The following CEP85 variants were observed in gnomAD, a reference collection of about 807,000 sequenced individuals.
CEP85 encodes the protein centrosomal protein 85, also known as centrosomal protein of 85 kDa.
A neutral mutation model predicts 93.7 loss-of-function variants in CEP85; 58 were observed. That is an observed-to-expected ratio of 0.62 (90% CI 0.50 to 0.77). The LOEUF is 0.77. Among genes scored for constraint, CEP85 ranks in the 30% least tolerant of loss-of-function variants. The pLI, the probability that CEP85 is intolerant of heterozygous loss-of-function variation, is 0.00. For synonymous variants in CEP85, 314 were observed against 338.6 expected, an observed-to-expected ratio of 0.93 and a Z score of 0.80; for missense variants, 868 against 922.0, an observed-to-expected ratio of 0.94 and a Z score of 0.76.
At chr1:26,241,510 C>G (rs1375485152) in intron 2 of CEP85, among the ~76,000 whole-genome samples, 2 of 152,104 alleles carry the variant, frequency 1.3e-5, no homozygotes, top group Non-Finnish European at 1.5e-5. Flanking sequence ...TCGCAAAGTG[C>G]TGGGATTACA....
intron 1 of CEP85, among the ~76,000 whole-genome samples, chr1:26,238,286 C>T (rs570215783): frequency 5.6e-5 from 8 of 143,784 alleles, no homozygotes; most frequent in Non-Finnish European, 7.5e-5. Context: ...CTGCAGCCTC[C>T]GCCTCCATGG....
In CEP85 at chr1:26,258,347, G is replaced by A. The variant is rs539526182; in HGVS notation, c.1155+87G>A. 3.4e-5 allele frequency: 29 copies of A among 851,416 alleles called. 1 individual carries two copies. Among genetic ancestry groups the A allele is most frequent in the South Asian group, 1.4e-4 (10 of 69,080 alleles). 52.7% of individuals were successfully genotyped at this position (851,416 alleles called of 1,614,324 possible). A position where few individuals can be genotyped will look rare whatever the true frequency, so the allele number is the denominator to read the frequency against. ...GACACCATTAGGTATCCAGGAGATA[G>A]AAAAGAGCTCAAGTGATGTAAGTGT... is the stretch of plus-strand genomic sequence containing the variant. On this transcript the variant is annotated intron_variant, in intron 6 of 13. Transcript: ENST00000451429.
chr1:26,235,841 G>T (rs1246607686), intron 1 of CEP85, among the ~76,000 whole-genome samples: 1 of 152,132 alleles, frequency 6.6e-6, no homozygotes, highest in Non-Finnish European at 1.5e-5. Context: ...CAAAATGCTG[G>T]GATTACAGGC....
At chr1:26,262,410 A>G (rs1366370666) in intron 7 of CEP85, among the ~76,000 whole-genome samples, 5 of 151,684 alleles carry the variant, frequency 3.3e-5, no homozygotes, top group Non-Finnish European at 1.5e-5. Context: ...CCCAGGAGGT[A>G]GATGTTGCAG....
chr1:26,271,031 C>T lies in CEP85; in HGVS notation c.1667C>T (p.Ser556Phe). Reference sequence around the variant, plus strand: ...TCTTTCAGCCTGCAAGATAAACAGTCTGTGGAGGAGACCAGTGGAGAAGGT... The same window carrying T: ...TCTTTCAGCCTGCAAGATAAACAGTTTGTGGAGGAGACCAGTGGAGAAGGT... ...SAGHSLQDKQ[S>F]VEETSGEGPE... Residue 556 changes from serine to phenylalanine, a missense_variant, in exon 10 of 14, where the codon TCT (serine) becomes TTT (phenylalanine). Ser to Phe is a radical substitution (Grantham distance 155). Transcript: ENST00000451429. 1.2e-6 allele frequency: 2 copies of T among 1,611,664 alleles called. No homozygotes were observed. Among genetic ancestry groups the T allele is most frequent in the Non-Finnish European group, 1.7e-6 (2 of 1,177,786 alleles).
intron 11 of CEP85, among the ~76,000 whole-genome samples, chr1:26,272,617 ATTTTTTTTTT>A (rs397861910): frequency 3.3e-5 from 3 of 89,688 alleles, no homozygotes; most frequent in South Asian, 4.0e-4. Context: ...CTATTACAGC[ATTTTTTTTTT>A]TTTTTTTTTT....
intron 2 of CEP85, among the ~76,000 whole-genome samples, chr1:26,243,780 A>G (rs1171594948): frequency 1.3e-5 from 2 of 152,042 alleles, no homozygotes; most frequent in East Asian, 3.9e-4. Flanking sequence ...CGGGTGGATT[A>G]TGAGATCAGG....
At chr1:26,262,807 T>C (rs1467854903) in intron 7 of CEP85, among the ~76,000 whole-genome samples, 1 of 152,178 alleles carries the variant, frequency 6.6e-6, no homozygotes, top group Non-Finnish European at 1.5e-5. Flanking sequence ...TAGTGAATCT[T>C]CTCACTTCAA....
At chr1:26,268,373 A>C (rs1314625613) in intron 7 of CEP85, 110 bp from the exon 8 acceptor site, 14 of 1,217,500 alleles carry the variant, frequency 1.1e-5, no homozygotes, top group South Asian at 1.1e-4. Context: ...TAGGAGGATC[A>C]CTTGAGCCTG....
At chr1:26,255,921 A>G in intron 4 of CEP85, 56 bp downstream of exon 4, 1 of 1,433,456 alleles carries the variant, frequency 7.0e-7, no homozygotes, top group Middle Eastern at 1.9e-4. Flanking sequence ...TTAGAATTGT[A>G]ATAGCTTTTG....
intron 3 of CEP85, among the ~76,000 whole-genome samples, chr1:26,247,171 A>T (rs2089523572): frequency 6.6e-6 from 1 of 152,214 alleles, no homozygotes; most frequent in African/African-American, 2.4e-5. Context: ...ACAGAAACAC[A>T]AAGTAGATTA....
Position 26,253,614 on chromosome 1 carries a change from C to A in CEP85, c.209-1557C>A, listed in dbSNP as rs190630402. On this transcript the variant is annotated intron_variant, in intron 3 of 13. Transcript: ENST00000451429. Reference sequence around the variant, plus strand: ...CCGTGTTAGCCAGGATGGTTTCGATCTCCTGACCTCATGATCCCCCCTCCT... The same window carrying A: ...CCGTGTTAGCCAGGATGGTTTCGATATCCTGACCTCATGATCCCCCCTCCT... 1.3e-4 allele frequency among the ~76,000 whole-genome samples: 19 copies of A among 151,964 alleles called. No homozygotes were observed. In the East Asian group the frequency reaches 3.5e-3, roughly 28 times the overall value.
intron 7 of CEP85, among the ~76,000 whole-genome samples, chr1:26,265,657 T>C (rs754873239): frequency 1.4e-4 from 21 of 152,238 alleles, no homozygotes; most frequent in Non-Finnish European, 5.9e-5. Context: ...ATACTTCAGT[T>C]CAGAGGCTCT....
intron 11 of CEP85, among the ~76,000 whole-genome samples, chr1:26,274,023 GTTTTT>G (rs61475455): frequency 6.7e-6 from 1 of 148,604 alleles, no homozygotes. Context: ...TTCCTTAGCA[GTTTTT>G]TTTTTTATTA....
In CEP85 at chr1:26,256,928, GGTGT is replaced by G. The variant is rs71004573; in HGVS notation, c.904-644_904-641del. ...TCCTTTTTTTGTTTTGTTTTGTTTT[GGTGT>G]GTGTGTGTGTGTGTGTGTGTGTGTT... is the stretch of plus-strand genomic sequence containing the variant. On this transcript the variant is annotated intron_variant, in intron 4 of 13. Transcript: ENST00000451429. 6.3e-5 allele frequency among the ~76,000 whole-genome samples: 7 copies of G among 111,492 alleles called. No homozygotes were observed. In the East Asian group the frequency reaches 7.1e-4, roughly 11 times the overall value. The allele number at this position is 111,492 out of a possible 152,430, so 73.1% of individuals were successfully genotyped here.
intron 9 of CEP85, among the ~76,000 whole-genome samples, chr1:26,270,217 T>C (rs894770466): frequency 6.6e-6 from 1 of 152,118 alleles, no homozygotes; most frequent in African/African-American, 2.4e-5. Flanking sequence ...CTTTGTAAAC[T>C]GGGAAATGAG....
chr1:26,239,201 G>A (rs368243177), intron 1 of CEP85, among the ~76,000 whole-genome samples: 146 of 152,238 alleles, frequency 9.6e-4, no homozygotes, highest in African/African-American at 2.4e-3. Flanking sequence ...GTAATCTCTG[G>A]TTCTAGGTTT....
At chr1:26,238,202 C>CTTTTTTTTTTTTTTTT in intron 1 of CEP85, among the ~76,000 whole-genome samples, 1 of 88,294 alleles carries the variant, frequency 1.1e-5, no homozygotes, top group Non-Finnish European at 2.1e-5. Context: ...GTCCCAAACT[C>CTTTTTTTTTTTTTTTT]TTTTTTTTTT....
At chr1:26,250,028 G>A (rs1201684628) in intron 3 of CEP85, among the ~76,000 whole-genome samples, 1 of 152,122 alleles carries the variant, frequency 6.6e-6, no homozygotes, top group South Asian at 2.1e-4. Context: ...CTACAGAGAT[G>A]CACCACCTGC....
Sources: allele counts gnomAD v4.1 joint callset (sites outside exome capture counted in the v4.1 genomes callset), GRCh38; gene constraint gnomAD v4.1.1; transcripts MANE v1.5; gene names NCBI Gene and HGNC (gene_info 2026-07-23, HGNC 2026-07-21).